The following PCBP3 variants were observed in gnomAD, a reference collection of about 807,000 sequenced individuals.
The protein encoded by PCBP3 is poly(rC) binding protein 3.
In PCBP3, 25 loss-of-function variants were observed where a neutral mutation model predicts 52.7. The ratio of observed to expected loss-of-function variants is 0.47; its 90% CI spans 0.35 to 0.66. The LOEUF is 0.66. Among genes scored for constraint, PCBP3 ranks in the 30% least tolerant of loss-of-function variants. The probability of loss-of-function intolerance (pLI) is 0.01; values close to 1 mark genes in which losing one functional copy is unlikely to be tolerated. For synonymous variants in PCBP3, 162 were observed against 183.0 expected, an observed-to-expected ratio of 0.89 and a Z score of 0.93; for missense variants, 391 against 490.3, an observed-to-expected ratio of 0.80 and a Z score of 1.91.
intron 5 of PCBP3, among the ~76,000 whole-genome samples, chr21:45,870,014 C>T (rs759617726): frequency 2.0e-5 from 3 of 152,148 alleles, no homozygotes; most frequent in African/African-American, 7.2e-5. Flanking sequence ...TGTTTCTTAT[C>T]TAAGTTATCT....
rs1209063524 is a variant in PCBP3, at chr21:45,909,405, G to A, written c.390G>A (p.Val130=). The A allele has an allele frequency of 1.2e-6, 2 of 1,613,152 alleles. No individual in the cohort carries two copies. The highest frequency in any genetic ancestry group is 2.7e-5 in the African/African-American group (2 of 74,904). Residue 130 remains valine (V), a synonymous_variant, in exon 10 of 18, where the codon GTG becomes GTA. Transcript: ENST00000681687. ...GCCCTGCCACCAGCAAGCCCCCAGTGACGCTGAGGCTGGTGGTGCCTGCCA... is the reference window on the plus strand; with the variant it reads ...GCCCTGCCACCAGCAAGCCCCCAGTAACGCTGAGGCTGGTGGTGCCTGCCA... ...SNSPATSKPP[V]TLRLVVPASQ...
intron 4 of PCBP3, among the ~76,000 whole-genome samples, chr21:45,819,516 G>A (rs999771348): frequency 6.6e-6 from 1 of 152,238 alleles, no homozygotes; most frequent in South Asian, 2.1e-4. Context: ...CTGCCGTTGG[G>A]CACCCCAAGG....
intron 2 of PCBP3, among the ~76,000 whole-genome samples, chr21:45,705,956 A>G (rs1187572175): frequency 6.6e-6 from 1 of 152,164 alleles, no homozygotes; most frequent in African/African-American, 2.4e-5. Flanking sequence ...TCTTTTGCAC[A>G]TGTGTGTTTA....
At position 45,821,250 on chromosome 21, in the gene PCBP3, G is replaced by A. The variant is rs1365528458; in HGVS notation, c.-125-28711G>A. On this transcript the variant is annotated intron_variant, in intron 4 of 17. Coordinates refer to ENST00000681687, the MANE Select transcript of PCBP3 (RefSeq NM_001384156.1). This position sits in a 1 kb window ranked among gnomAD's most constrained non-coding sequence, Gnocchi z 4.4. ...CTCTCCCTAATCCTGGATTCCGCAG[G>A]GGCTCCAAGACCCTCAGGGTCGCCA... is the stretch of plus-strand genomic sequence containing the variant. Among the ~76,000 whole-genome samples the A allele has an allele frequency of 1.3e-5, 2 of 151,902 alleles. No individual in the cohort carries two copies. The highest frequency in any genetic ancestry group is 3.9e-4 in the East Asian group (2 of 5,158).
intron 2 of PCBP3, among the ~76,000 whole-genome samples, chr21:45,715,637 C>T (rs2084164043): frequency 6.6e-6 from 1 of 152,128 alleles, no homozygotes; most frequent in Admixed American, 6.5e-5. Context: ...ATGTCTTCAC[C>T]AGCACTTGTT....
chr21:45,782,625 A>G (rs2090725910), intron 4 of PCBP3, among the ~76,000 whole-genome samples: 2 of 152,260 alleles, frequency 1.3e-5, no homozygotes, highest in South Asian at 2.1e-4. Context: ...ATTTGAAGAC[A>G]TAAAGATCAG....
intron 2 of PCBP3, among the ~76,000 whole-genome samples, chr21:45,674,197 C>T (rs1290969389): frequency 6.6e-6 from 1 of 152,056 alleles, no homozygotes; most frequent in Admixed American, 6.5e-5. Context: ...AACCCTGAGC[C>T]GATAATACCT....
chr21:45,738,720 C>T (rs2086088433), intron 3 of PCBP3, among the ~76,000 whole-genome samples: 1 of 151,838 alleles, frequency 6.6e-6, no homozygotes, highest in African/African-American at 2.4e-5. Context: ...GGTAGCCCCC[C>T]CATCTTCATC....
chr21:45,906,864 G>A (rs1453180777), intron 9 of PCBP3, among the ~76,000 whole-genome samples: 1 of 152,210 alleles, frequency 6.6e-6, no homozygotes, highest in African/African-American at 2.4e-5. Context: ...GTTCAGGGCT[G>A]GAAAATAGGG....
At chr21:45,923,821 G>A (rs1321537437) in intron 13 of PCBP3, among the ~76,000 whole-genome samples, 1 of 151,224 alleles carries the variant, frequency 6.6e-6, no homozygotes, top group African/African-American at 2.4e-5. Flanking sequence ...GGGTGTGCAC[G>A]AGGAGATGCG....
chr21:45,886,248 G>A (rs566722115), intron 5 of PCBP3, among the ~76,000 whole-genome samples: 4 of 72,022 alleles, frequency 5.6e-5, no homozygotes, highest in African/African-American at 5.2e-5. Flanking sequence ...AGGATGTGGT[G>A]AGGTGTGGAG....
intron 12 of PCBP3, 64 bp downstream of exon 12, chr21:45,914,089 C>T (rs761151894): frequency 2.5e-6 from 4 of 1,611,214 alleles, no homozygotes; most frequent in Non-Finnish European, 3.4e-6. Flanking sequence ...GCACCCGCCG[C>T]TGCCCGTTAG....
intron 4 of PCBP3, among the ~76,000 whole-genome samples, chr21:45,792,744 T>A (rs767801513): frequency 4.6e-5 from 7 of 151,418 alleles, no homozygotes; most frequent in Admixed American, 1.3e-4. Context: ...CAGAGAAGAG[T>A]GGAAGTTAGG....
chr21:45,906,308 T>C (rs1397535847), intron 9 of PCBP3, among the ~76,000 whole-genome samples: 2 of 152,128 alleles, frequency 1.3e-5, no homozygotes, highest in African/African-American at 4.8e-5. Context: ...CCCTGAGGTC[T>C]TCGGCAGATC....
At position 45,696,436 on chromosome 21, in the gene PCBP3, A is replaced by G. The variant is rs150685938; in HGVS notation, c.-200+27484A>G. Among the ~76,000 whole-genome samples the G allele has an allele frequency of 6.2e-4, 94 of 152,300 alleles. 1 individual carries two copies. In the East Asian group the frequency reaches 0.018, roughly 28 times the overall value. Reference sequence around the variant, plus strand: ...CCAAGAAAAGATGTTTGCAATACATATATTAACCAAAAGATTTGTCTCCAG... The same window carrying G: ...CCAAGAAAAGATGTTTGCAATACATGTATTAACCAAAAGATTTGTCTCCAG... On this transcript the variant is annotated intron_variant, in intron 2 of 17. Coordinates refer to ENST00000681687, the MANE Select transcript of PCBP3 (RefSeq NM_001384156.1).
chr21:45,808,726 A>G (rs1222496648), intron 4 of PCBP3, among the ~76,000 whole-genome samples: 1 of 152,230 alleles, frequency 6.6e-6, no homozygotes, highest in Non-Finnish European at 1.5e-5. Context: ...TCTACTATAA[A>G]GACACATGCA....
chr21:45,783,241 C>T (rs777598311), intron 4 of PCBP3, among the ~76,000 whole-genome samples: 2 of 152,140 alleles, frequency 1.3e-5, no homozygotes, highest in African/African-American at 4.8e-5. Flanking sequence ...TTTCCATGTG[C>T]GATTGGCCAT....
In PCBP3 at chr21:45,820,233, C is replaced by T. The variant is rs114985516; in HGVS notation, c.-125-29728C>T. Among the ~76,000 whole-genome samples the T allele has an allele frequency of 4.6e-3, 698 of 152,362 alleles. 3 individuals are homozygous for T. The highest frequency in any genetic ancestry group is 0.016 in the African/African-American group (647 of 41,584). Reference sequence around the variant, plus strand: ...TTGGTGTGTCCATGTCAAGTGTATCCGTCCTGGGAACACCCAGTCCGGCTG... The same window carrying T: ...TTGGTGTGTCCATGTCAAGTGTATCTGTCCTGGGAACACCCAGTCCGGCTG... On this transcript the variant is annotated intron_variant, in intron 4 of 17. Coordinates refer to ENST00000681687, the MANE Select transcript of PCBP3 (RefSeq NM_001384156.1).
At chr21:45,762,613 G>C (rs1375147573) in intron 4 of PCBP3, 1 of 149,182 alleles carries the variant, frequency 6.7e-6, no homozygotes, top group Non-Finnish European at 1.5e-5. Context: ...CTGAGTAGCT[G>C]GGATTACAGG....
Sources: allele counts gnomAD v4.1 joint callset (sites outside exome capture counted in the v4.1 genomes callset), GRCh38; gene constraint gnomAD v4.1.1; non-coding constraint Gnocchi (gnomAD v3.1); transcripts MANE v1.5; gene names NCBI Gene and HGNC (gene_info 2026-07-23, HGNC 2026-07-21).